The following UNC5D variants were observed in gnomAD, a reference collection of about 807,000 sequenced individuals.
The protein encoded by UNC5D is netrin receptor UNC5D.
Under a neutral mutation model 105.4 loss-of-function variants are expected in UNC5D, and 39 were observed. The observed-to-expected ratio is 0.37, with a 90% CI of 0.29 to 0.48. UNC5D has a LOEUF of 0.48. UNC5D is among the 20% of genes least tolerant of loss of function. The pLI, the probability that UNC5D is intolerant of heterozygous loss-of-function variation, is 0.98. For synonymous variants in UNC5D, 452 were observed against 450.4 expected (o/e 1.00, Z -0.04); for missense variants, 991 against 1,202.4 (o/e 0.82, Z 2.60).
chr8:35,386,108 A>G (rs986795058), intron 1 of UNC5D, among the ~76,000 whole-genome samples: 1 of 152,174 alleles, frequency 6.6e-6, no homozygotes, highest in Non-Finnish European at 1.5e-5. Flanking sequence ...TGCTTAATTT[A>G]ATCTTTTATT....
At chr8:35,759,787 GTTTGTT>G (rs1801434481) in intron 14 of UNC5D, among the ~76,000 whole-genome samples, 1 of 152,100 alleles carries the variant, frequency 6.6e-6, no homozygotes, top group African/African-American at 2.4e-5. Flanking sequence ...TTGTGAGTTG[GTTTGTT>G]TTTATTAAAA....
chr8:35,674,805 A>T (rs1825090563), intron 4 of UNC5D, among the ~76,000 whole-genome samples: 1 of 152,158 alleles, frequency 6.6e-6, no homozygotes, highest in South Asian at 2.1e-4. Context: ...CAGCAGCTGG[A>T]ATGCAGACCT....
chr8:35,620,956 G>A (rs929491932), intron 4 of UNC5D, among the ~76,000 whole-genome samples: 7 of 152,160 alleles, frequency 4.6e-5, no homozygotes, highest in Non-Finnish European at 1.0e-4. Context: ...CACTGTTGAC[G>A]TTTGGGGTCG....
intron 15 of UNC5D, among the ~76,000 whole-genome samples, chr8:35,769,973 A>C: frequency 6.6e-6 from 1 of 151,996 alleles, no homozygotes; most frequent in East Asian, 1.9e-4. Context: ...AGAAAAGAAA[A>C]CTGTCCTCTT....
At chr8:35,688,119 G>A (rs371775708) in intron 7 of UNC5D, among the ~76,000 whole-genome samples, 4 of 150,766 alleles carry the variant, frequency 2.7e-5, no homozygotes, top group Admixed American at 2.0e-4. Flanking sequence ...GTGACAGAGC[G>A]AGACTCCGCC....
intron 1 of UNC5D, among the ~76,000 whole-genome samples, chr8:35,342,701 T>A (rs1811535727): frequency 6.6e-6 from 1 of 152,078 alleles, no homozygotes; most frequent in Non-Finnish European, 1.5e-5. Flanking sequence ...CACAAACCTA[T>A]CCTGCTCACA....
intron 4 of UNC5D, among the ~76,000 whole-genome samples, chr8:35,678,974 C>T (rs961057522): frequency 6.6e-6 from 1 of 152,044 alleles, no homozygotes; most frequent in Non-Finnish European, 1.5e-5. Flanking sequence ...CAAATAGAAC[C>T]AGGCACTGTG....
intron 1 of UNC5D, among the ~76,000 whole-genome samples, chr8:35,337,397 T>C (rs1811124156): frequency 6.6e-6 from 1 of 152,234 alleles, no homozygotes; most frequent in Non-Finnish European, 1.5e-5. Context: ...TTAAACAAAG[T>C]GGGTTTATTC....
intron 13 of UNC5D, among the ~76,000 whole-genome samples, chr8:35,757,130 G>A (rs1407421152): frequency 6.6e-6 from 1 of 152,048 alleles, no homozygotes; most frequent in Non-Finnish European, 1.5e-5. Flanking sequence ...ATTTGCCCAA[G>A]ACCACACAGA....
intron 4 of UNC5D, among the ~76,000 whole-genome samples, chr8:35,618,017 C>T (rs552584318): frequency 6.6e-6 from 1 of 152,192 alleles, no homozygotes; most frequent in Non-Finnish European, 1.5e-5. Context: ...CAAGTGATGG[C>T]TTAAACCTTA....
intron 1 of UNC5D, among the ~76,000 whole-genome samples, chr8:35,333,824 A>G (rs1307852145): frequency 6.6e-6 from 1 of 152,182 alleles, no homozygotes; most frequent in Non-Finnish European, 1.5e-5. Context: ...TGTTACTACA[A>G]GTTTAGAATA....
rs531516216 is a variant in UNC5D at position 35,623,908 on chromosome 8, G to A, written c.570+28251G>A. On this transcript the variant is annotated intron_variant, in intron 4 of 16. Coordinates refer to ENST00000404895, the MANE Select transcript of UNC5D (RefSeq NM_080872.4). ...ATCCTGGCTAACACGGTGAAACCCCGTCTCTACTAAAGATACAAAAAATTA... is the reference window on the plus strand; with the variant it reads ...ATCCTGGCTAACACGGTGAAACCCCATCTCTACTAAAGATACAAAAAATTA... Among the ~76,000 whole-genome samples the A allele has an allele frequency of 3.3e-5, 5 of 152,116 alleles. No homozygotes were observed. In the East Asian group the frequency reaches 5.8e-4, roughly 18 times the overall value.
At chr8:35,682,547 T>C (rs1310296680) in intron 4 of UNC5D, among the ~76,000 whole-genome samples, 2 of 152,188 alleles carry the variant, frequency 1.3e-5, no homozygotes, top group Non-Finnish European at 2.9e-5. Flanking sequence ...ATGTGTCTAG[T>C]ACTACCAAGA....
At chr8:35,263,399 T>A (rs1324752360) in intron 1 of UNC5D, among the ~76,000 whole-genome samples, 10 of 152,202 alleles carry the variant, frequency 6.6e-5, no homozygotes, top group African/African-American at 2.2e-4. Flanking sequence ...TTATTTTTCT[T>A]AATTAAAAGC....
intron 1 of UNC5D, among the ~76,000 whole-genome samples, chr8:35,324,428 T>A (rs1244485327): frequency 1.6e-5 from 1 of 64,452 alleles, no homozygotes; most frequent in East Asian, 1.2e-3. Flanking sequence ...GTCATTTCCA[T>A]CTTTTGTTTT....
intron 7 of UNC5D, among the ~76,000 whole-genome samples, chr8:35,695,417 C>G (rs1826691708): frequency 6.6e-6 from 1 of 152,128 alleles, no homozygotes; most frequent in African/African-American, 2.4e-5. Context: ...CCCAGCTATT[C>G]TGGAGGCTGA....
rs569359292 is a variant in UNC5D, at chr8:35,777,052, G to A, written c.2657+2575G>A. On this transcript the variant is annotated intron_variant, in intron 16 of 16. Transcript: ENST00000404895. ...GGGCGGATCACGAGGTCAGGAGTTC[G>A]AGACCAGCCTGACCAACATGGTGAA... Among the ~76,000 whole-genome samples, 7 of 152,268 alleles carry A rather than the reference G, an allele frequency of 4.6e-5. No individual in the cohort carries two copies. In the South Asian group the frequency reaches 6.2e-4, roughly 14 times the overall value.
chr8:35,319,949 C>T (rs912861846), intron 1 of UNC5D, among the ~76,000 whole-genome samples: 1 of 152,072 alleles, frequency 6.6e-6, no homozygotes, highest in Non-Finnish European at 1.5e-5. Flanking sequence ...GCCATGTAGT[C>T]TCTAGACTCA....
chr8:35,580,861 T>A (rs977791942), intron 3 of UNC5D, among the ~76,000 whole-genome samples: 2 of 152,110 alleles, frequency 1.3e-5, no homozygotes, highest in African/African-American at 4.8e-5. Context: ...ATTTGAGGAA[T>A]AGATGGGAAT....
Sources: gnomAD v4.1 joint callset for allele counts (sites outside exome capture counted in the v4.1 genomes callset) on GRCh38, gnomAD v4.1.1 for gene constraint, MANE v1.5 for transcripts, NCBI Gene and HGNC (gene_info 2026-07-23, HGNC 2026-07-21) for gene names.